ASAP2: variants seen among roughly 807,000 people sequenced by gnomAD.
ASAP2 encodes the protein ArfGAP with SH3 domain, ankyrin repeat and PH domain 2, also known as arf-GAP with SH3 domain, ANK repeat and PH domain-containing protein 2.
A neutral mutation model predicts 131.4 loss-of-function variants in ASAP2; 45 were observed. That is an observed-to-expected ratio of 0.34 (90% CI 0.27 to 0.44). The LOEUF (loss-of-function observed/expected upper bound fraction) is 0.44, where lower values mean the gene tolerates loss of function less well. Ranked by LOEUF, ASAP2 falls within the 20% of genes least tolerant of loss-of-function variation. ASAP2 has a pLI of 1.00. For synonymous variants in ASAP2, 510 were observed against 503.0 expected, an observed-to-expected ratio of 1.01 and a Z score of -0.19; for missense variants, 1,011 against 1,297.0, an observed-to-expected ratio of 0.78 and a Z score of 3.39.
intron 1 of ASAP2, among the ~76,000 whole-genome samples, chr2:9,213,177 C>T (rs1209468129): frequency 6.6e-6 from 1 of 152,216 alleles, no homozygotes; most frequent in Admixed American, 6.5e-5. Context: ...GGAAAAGCCT[C>T]TCTGCAGAGG....
intron 3 of ASAP2, among the ~76,000 whole-genome samples, chr2:9,315,177 T>A (rs950238228): frequency 6.6e-6 from 1 of 152,096 alleles, no homozygotes; most frequent in African/African-American, 2.4e-5. Context: ...TAAGGATGGA[T>A]TGTGGAGAGT....
chr2:9,388,440 G>T lies in ASAP2; in HGVS notation c.2277G>T (p.Gln759His), dbSNP rs772485854. ...GGGCTTTCATGCCCAGCATCTTGCA[G>T]AATGAGACTTACGGAGCCCTCCTGA... ...KQRAFMPSILQNETYGALLSG... is the reference protein window; with the variant it reads ...KQRAFMPSILHNETYGALLSG... Residue 759 changes from glutamine to histidine, a missense_variant, in exon 22 of 28, where the codon CAG (glutamine) becomes CAT (histidine). By Grantham distance (24) the Gln-to-His change is conservative. Transcript: ENST00000281419. The T allele has an allele frequency of 1.9e-6, 3 of 1,614,062 alleles. No homozygotes were observed. In the African/African-American group the frequency reaches 4.0e-5, roughly 22 times the overall value.
Position 9,388,546 on chromosome 2 carries a change from G to C in ASAP2, c.2383G>C (p.Val795Leu), listed in dbSNP as rs542793203. The change falls in exon 22 of 28, where the codon GTT becomes CTT. Residue 795 changes from valine (V) to leucine (L), a missense_variant and splice_region_variant. Transcript: ENST00000281419. Reference protein sequence around the residue: ...PPLPPRNVGKVQTASSANTLW... With the variant: ...PPLPPRNVGKLQTASSANTLW... ...GCTTCCTCCACGGAATGTTGGCAAA[G>C]GTATGAAGCTGTCCGTCATCCCTGT... The C allele has an allele frequency of 1.2e-6, 2 of 1,611,402 alleles. No individual in the cohort carries two copies. The highest frequency in any genetic ancestry group is 2.2e-5 in the South Asian group (2 of 90,622).
chr2:9,295,830 T>C lies in ASAP2; in HGVS notation c.200-1470T>C, dbSNP rs187434477. ...CTGCTAGATCCCCATTAGAACCCTC[T>C]AGTCCCCCAAATGCCACTGGAGGTC... On this transcript the variant is annotated intron_variant, in intron 2 of 27. Transcript: ENST00000281419. Among the ~76,000 whole-genome samples, 188 of 152,334 alleles carry C rather than the reference T, an allele frequency of 1.2e-3. 1 individual carries two copies. Among genetic ancestry groups the C allele is most frequent in the African/African-American group, 4.2e-3 (176 of 41,582 alleles).
intron 1 of ASAP2, among the ~76,000 whole-genome samples, chr2:9,220,773 GT>G: frequency 6.6e-6 from 1 of 152,136 alleles, no homozygotes; most frequent in South Asian, 2.1e-4. Context: ...CCTATATTCT[GT>G]TTTATAGTTT....
Position 9,297,390 on chromosome 2 carries a change from C to A in ASAP2, c.290C>A (p.Ala97Glu), listed in dbSNP as rs568509831. The change falls in exon 3 of 28, where the codon GCG becomes GAG. Residue 97 changes from alanine to glutamate, a missense_variant. This residue lies in a region of ASAP2 where 359 missense variants were observed against 598.1 expected (regional missense o/e 0.60). Coordinates refer to ENST00000281419, the MANE Select transcript of ASAP2 (RefSeq NM_003887.3). ...VCRDDPDLGS[A>E]FLKFSVFTKE... ...AGAGATGACCCAGATTTAGGAAGTG[C>A]GTTCCTGAAGTTCTCAGTGTTTACA... 1 of 1,614,114 alleles carries A rather than the reference C, an allele frequency of 6.2e-7. No homozygotes were observed. Among genetic ancestry groups the A allele is most frequent in the African/African-American group, 1.3e-5 (1 of 75,022 alleles).
At chr2:9,366,009 A>G (rs1235525199) in intron 15 of ASAP2, among the ~76,000 whole-genome samples, 1 of 152,162 alleles carries the variant, frequency 6.6e-6, no homozygotes, top group Non-Finnish European at 1.5e-5. Context: ...GCCAGTGAGA[A>G]GCAGGAGATG....
At chr2:9,259,443 G>C (rs1193373283) in intron 1 of ASAP2, among the ~76,000 whole-genome samples, 1 of 152,174 alleles carries the variant, frequency 6.6e-6, no homozygotes, top group Non-Finnish European at 1.5e-5. Flanking sequence ...GCCCAGGCTG[G>C]GGTGCCCCTC....
In ASAP2 at chr2:9,397,790, G is replaced by A. The variant is rs551392044; in HGVS notation, c.2685-2233G>A. The stretch of plus-strand genomic sequence containing the variant: ...TTTTTTTTTTTTGAGACGGAGTCTC[G>A]CTCTGTCGCCCAGGCTGGAGTGCAG... On this transcript the variant is annotated intron_variant, in intron 24 of 27. Coordinates refer to ENST00000281419, the MANE Select transcript of ASAP2 (RefSeq NM_003887.3). Among the ~76,000 whole-genome samples, 659 of 108,516 alleles carry A rather than the reference G, an allele frequency of 6.1e-3. 5 individuals carry two copies. The highest frequency in any genetic ancestry group is 0.048 in the Middle Eastern group (5 of 104). 71.2% of individuals were successfully genotyped at this position (108,516 alleles called of 152,430 possible). A position where few individuals can be genotyped will look rare whatever the true frequency, so the allele number is the denominator to read the frequency against.
At chr2:9,327,968 G>A (rs1670584970) in intron 7 of ASAP2, 57 bp downstream of exon 7, 1 of 1,322,220 alleles carries the variant, frequency 7.6e-7, no homozygotes, top group Non-Finnish European at 1.0e-6. Flanking sequence ...GCAACTTCTG[G>A]TAGATCTATA....
intron 15 of ASAP2, among the ~76,000 whole-genome samples, chr2:9,360,959 C>A (rs1262019735): frequency 1.3e-5 from 2 of 152,128 alleles, no homozygotes; most frequent in African/African-American, 4.8e-5. Context: ...ATTTCATGTT[C>A]TTCATGAGAC....
At chr2:9,287,421 C>A (rs777498058) in intron 2 of ASAP2, among the ~76,000 whole-genome samples, 31 of 152,170 alleles carry the variant, frequency 2.0e-4, no homozygotes, top group Non-Finnish European at 3.4e-4. Flanking sequence ...TAAAGAAGAA[C>A]CTGAAAACCT....
chr2:9,307,942 G>A (rs1408646964), intron 3 of ASAP2, among the ~76,000 whole-genome samples: 1 of 152,116 alleles, frequency 6.6e-6, no homozygotes, highest in Non-Finnish European at 1.5e-5. Context: ...GCATACGTGT[G>A]CTTGTCTGTG....
In ASAP2 at chr2:9,209,354, A is replaced by G. The variant is rs552641648; in HGVS notation, c.126+2124A>G. On this transcript the variant is annotated intron_variant, in intron 1 of 27. Coordinates refer to ENST00000281419, the MANE Select transcript of ASAP2 (RefSeq NM_003887.3). ...AAATAATGCTCTTTCCCAGGTGTCT[A>G]ATGTTCGTGTCTATTACCAAAACTT... 4.6e-5 allele frequency among the ~76,000 whole-genome samples: 7 copies of G among 152,334 alleles called. No individual in the cohort carries two copies. In the South Asian group the frequency reaches 1.2e-3, roughly 27 times the overall value.
At chr2:9,375,170 TACTCAGGAGGCTG>T (rs1450965279) in intron 17 of ASAP2, among the ~76,000 whole-genome samples, 1 of 150,982 alleles carries the variant, frequency 6.6e-6, no homozygotes, top group Non-Finnish European at 1.5e-5. Context: ...TAGTCCCAGC[TACTCAGGAGGCTG>T]GGGTGAGAGG....
chr2:9,334,397 G>A (rs12692383), intron 7 of ASAP2, among the ~76,000 whole-genome samples: 3,064 of 151,940 alleles, frequency 0.02, 103 homozygotes, highest in African/African-American at 0.07. Flanking sequence ...CGCCTGTTGC[G>A]GCACATTCTT....
intron 9 of ASAP2, among the ~76,000 whole-genome samples, chr2:9,343,647 A>G (rs1451650550): frequency 1.3e-5 from 2 of 152,096 alleles, no homozygotes; most frequent in African/African-American, 2.4e-5. Flanking sequence ...AGGTCTTGCT[A>G]TGTTGCCTAA....
chr2:9,296,753 AAGCATG>A (rs1393207584), intron 2 of ASAP2, among the ~76,000 whole-genome samples: 2 of 152,138 alleles, frequency 1.3e-5, no homozygotes, highest in Non-Finnish European at 2.9e-5. Flanking sequence ...TTCCTGGAGG[AAGCATG>A]AGTCTGTAGG....
intron 20 of ASAP2, among the ~76,000 whole-genome samples, chr2:9,381,302 G>C (rs972278029): frequency 1.3e-5 from 2 of 152,228 alleles, no homozygotes; most frequent in African/African-American, 4.8e-5. Context: ...CTTGCCGGGG[G>C]CTCCCCAGCT....
Sources: allele counts gnomAD v4.1 joint callset (sites outside exome capture counted in the v4.1 genomes callset), GRCh38; gene constraint gnomAD v4.1.1; regional missense constraint gnomAD v4.1.1; transcripts MANE v1.5; gene names NCBI Gene and HGNC (gene_info 2026-07-23, HGNC 2026-07-21).